The following REC114 variants were observed in gnomAD, a reference collection of about 807,000 sequenced individuals.
REC114 encodes the protein REC114 meiotic recombination protein, also known as meiotic recombination protein REC114.
REC114 carries 27 observed loss-of-function variants against 31.3 expected under a neutral mutation model. That is an observed-to-expected ratio of 0.86 (90% CI 0.64 to 1.19). The LOEUF (loss-of-function observed/expected upper bound fraction) is 1.19. Ranked by LOEUF, REC114 falls within the 50% of genes most tolerant of loss-of-function variation. The pLI is 0.00. For missense variants in REC114, 344 were observed against 326.9 expected, an observed-to-expected ratio of 1.05 and a Z score of -0.40; for synonymous variants, 134 against 127.7, an observed-to-expected ratio of 1.05 and a Z score of -0.33.
intron 2 of REC114, among the ~76,000 whole-genome samples, chr15:73,496,981 C>A (rs1893538402): frequency 6.6e-6 from 1 of 151,076 alleles, no homozygotes; most frequent in African/African-American, 2.4e-5. Flanking sequence ...TAGCCAGTTA[C>A]CTTGTGAAGT....
At chr15:73,485,997 CCTACATCTAAATAAA>C (rs1218887965) in intron 2 of REC114, among the ~76,000 whole-genome samples, 4 of 152,184 alleles carry the variant, frequency 2.6e-5, no homozygotes, top group African/African-American at 9.7e-5. Context: ...TTTATACTGT[CCTACATCTAAATAAA>C]CTTCAGCTCT....
At chr15:73,546,261 A>G (rs192072760) in intron 3 of REC114, among the ~76,000 whole-genome samples, 1 of 152,192 alleles carries the variant, frequency 6.6e-6, no homozygotes. Flanking sequence ...AAATGGGCAC[A>G]TAGATTCTTG....
At chr15:73,548,998 A>T (rs1226919555) in intron 3 of REC114, among the ~76,000 whole-genome samples, 1 of 152,170 alleles carries the variant, frequency 6.6e-6, no homozygotes, top group African/African-American at 2.4e-5. Context: ...GAATACATAG[A>T]GGGGAACAAC....
intron 2 of REC114, among the ~76,000 whole-genome samples, chr15:73,525,333 A>G (rs910736854): frequency 1.3e-5 from 2 of 152,054 alleles, no homozygotes; most frequent in Admixed American, 1.3e-4. Flanking sequence ...TTTTTGTTTC[A>G]TTAAATTTTC....
At chr15:73,447,645 C>T (rs962700309) in intron 1 of REC114, among the ~76,000 whole-genome samples, 1 of 104,606 alleles carries the variant, frequency 9.6e-6, no homozygotes, top group African/African-American at 3.5e-5. Context: ...GAGACTCTGT[C>T]TCAAAATAAA....
At chr15:73,514,316 C>T (rs905047674) in intron 2 of REC114, among the ~76,000 whole-genome samples, 8 of 151,742 alleles carry the variant, frequency 5.3e-5, no homozygotes, top group African/African-American at 1.2e-4. Context: ...GCACGGTGCG[C>T]GCACCCACTG....
At chr15:73,464,740 T>C (rs1213045557) in intron 1 of REC114, among the ~76,000 whole-genome samples, 3 of 152,228 alleles carry the variant, frequency 2.0e-5, no homozygotes, top group Admixed American at 2.0e-4. Flanking sequence ...CTAGGCTCTC[T>C]CACAAGAACT....
intron 2 of REC114, among the ~76,000 whole-genome samples, chr15:73,478,028 C>A (rs1893238141): frequency 6.6e-6 from 1 of 151,934 alleles, no homozygotes. Flanking sequence ...CTTTGTGAGG[C>A]CAAGGTGGGT....
intron 2 of REC114, among the ~76,000 whole-genome samples, chr15:73,490,032 C>G (rs1258748438): frequency 1.3e-5 from 2 of 152,220 alleles, no homozygotes; most frequent in African/African-American, 2.4e-5. Context: ...CTTTTGCTAA[C>G]CCCATTTTCT....
At chr15:73,494,120 A>G (rs566105791) in intron 2 of REC114, among the ~76,000 whole-genome samples, 11 of 152,220 alleles carry the variant, frequency 7.2e-5, no homozygotes, top group Non-Finnish European at 1.6e-4. Context: ...CATGTCTTGC[A>G]TAAATTCTTC....
intron 3 of REC114, among the ~76,000 whole-genome samples, chr15:73,550,395 C>A (rs181977563): frequency 6.6e-6 from 1 of 152,146 alleles, no homozygotes; most frequent in Non-Finnish European, 1.5e-5. Flanking sequence ...GTATGGTAGT[C>A]TGGCCTCTTT....
chr15:73,522,654 G>T (rs1348441084), intron 2 of REC114, among the ~76,000 whole-genome samples: 1 of 152,034 alleles, frequency 6.6e-6, no homozygotes, highest in Non-Finnish European at 1.5e-5. Flanking sequence ...TCACTATATG[G>T]ATATACCACA....
chr15:73,496,688 G>T (rs973638307), intron 2 of REC114, among the ~76,000 whole-genome samples: 11 of 151,442 alleles, frequency 7.3e-5, no homozygotes, highest in Admixed American at 2.0e-4. Context: ...GTAGTATAAG[G>T]AATGTGTTTA....
intron 1 of REC114, among the ~76,000 whole-genome samples, chr15:73,468,494 T>C (rs1893091427): frequency 6.6e-6 from 1 of 152,158 alleles, no homozygotes; most frequent in South Asian, 2.1e-4. Flanking sequence ...ACATAGATGA[T>C]CATGTTGTCT....
intron 1 of REC114, among the ~76,000 whole-genome samples, chr15:73,455,732 T>C (rs1381119160): frequency 6.6e-6 from 1 of 152,172 alleles, no homozygotes; most frequent in Non-Finnish European, 1.5e-5. Context: ...CGGAAGCAAA[T>C]AAACTTTGTA....
At chr15:73,493,516 TC>T (rs1191541409) in intron 2 of REC114, among the ~76,000 whole-genome samples, 1 of 152,176 alleles carries the variant, frequency 6.6e-6, no homozygotes, top group Non-Finnish European at 1.5e-5. Context: ...TTTCTTTTTT[TC>T]TTCTTTTTAT....
chr15:73,499,038 G>T (rs1421210016), intron 2 of REC114, among the ~76,000 whole-genome samples: 2 of 152,054 alleles, frequency 1.3e-5, no homozygotes, highest in Non-Finnish European at 2.9e-5. Context: ...CTACTGACTT[G>T]TTTGCAGAAT....
At chr15:73,468,989 A>G (rs1410302390) in intron 1 of REC114, among the ~76,000 whole-genome samples, 2 of 152,116 alleles carry the variant, frequency 1.3e-5, no homozygotes, top group Non-Finnish European at 2.9e-5. Context: ...CTCAGGTAAC[A>G]TTCTCTTAAA....
chr15:73,504,401 C>T (rs990831987), intron 2 of REC114, among the ~76,000 whole-genome samples: 1 of 151,804 alleles, frequency 6.6e-6, no homozygotes, highest in African/African-American at 2.4e-5. Context: ...TATTGATTAC[C>T]AGTTGTCCTT....
Sources: gnomAD v4.1 joint callset for allele counts (sites outside exome capture counted in the v4.1 genomes callset) on GRCh38, gnomAD v4.1.1 for gene constraint, MANE v1.5 for transcripts, NCBI Gene and HGNC (gene_info 2026-07-23, HGNC 2026-07-21) for gene names.